Variants in SORCS2 observed in about 807,000 individuals in gnomAD.
The protein encoded by SORCS2 is sortilin related VPS10 domain containing receptor 2.
A neutral mutation model predicts 141.6 loss-of-function variants in SORCS2; 100 were observed. That is an observed-to-expected ratio of 0.71 (90% CI 0.60 to 0.83). The LOEUF (loss-of-function observed/expected upper bound fraction) is 0.83. Ranked by LOEUF, SORCS2 falls within the 40% of genes least tolerant of loss-of-function variation. The pLI, the probability that SORCS2 is intolerant of heterozygous loss-of-function variation, is 0.00. For missense variants in SORCS2, 1,646 were observed against 1,560.2 expected, an observed-to-expected ratio of 1.05 and a Z score of -0.93; for synonymous variants, 789 against 676.9, an observed-to-expected ratio of 1.17 and a Z score of -2.57.
intron 2 of SORCS2, among the ~76,000 whole-genome samples, chr4:7,520,092 C>T (rs1733229688): frequency 2.0e-5 from 3 of 152,306 alleles, no homozygotes; most frequent in South Asian, 2.1e-4. Flanking sequence ...TGTAGGGTGG[C>T]GCTGTTGGCT....
intron 2 of SORCS2, among the ~76,000 whole-genome samples, chr4:7,403,959 G>T (rs1724753090): frequency 7.7e-5 from 1 of 13,026 alleles, no homozygotes; most frequent in Admixed American, 1.0e-3. Context: ...GCCTCCATGT[G>T]TGTATATATA....
At chr4:7,549,504 C>T (rs1185363920) in intron 3 of SORCS2, among the ~76,000 whole-genome samples, 2 of 152,150 alleles carry the variant, frequency 1.3e-5, no homozygotes, top group Admixed American at 6.5e-5. Flanking sequence ...TGATAATCCA[C>T]CAGTCACTGG....
chr4:7,737,196 C>T, intron 26 of SORCS2, 24 bp downstream of exon 26: 1 of 1,550,570 alleles, frequency 6.4e-7, no homozygotes, highest in Non-Finnish European at 8.7e-7. Flanking sequence ...AGATGATGAT[C>T]TCGACTCGCA....
chr4:7,224,142 T>G (rs970504418), intron 1 of SORCS2, among the ~76,000 whole-genome samples: 7 of 152,154 alleles, frequency 4.6e-5, no homozygotes, highest in Non-Finnish European at 1.0e-4. Flanking sequence ...CAGATCCAGA[T>G]CCATCTGCTG....
chr4:7,735,154 C>G (rs1003145844), intron 25 of SORCS2, among the ~76,000 whole-genome samples: 5 of 152,342 alleles, frequency 3.3e-5, no homozygotes, highest in African/African-American at 1.2e-4. Context: ...AAACGCAGCT[C>G]CCAGATTTGG....
At chr4:7,517,513 C>A (rs1560349448) in intron 2 of SORCS2, among the ~76,000 whole-genome samples, 1 of 152,138 alleles carries the variant, frequency 6.6e-6, no homozygotes. Flanking sequence ...TCAGCAGAAA[C>A]CGAATACAGT....
At chr4:7,595,188 T>C (rs1275339578) in intron 3 of SORCS2, among the ~76,000 whole-genome samples, 1 of 152,090 alleles carries the variant, frequency 6.6e-6, no homozygotes, top group Non-Finnish European at 1.5e-5. Context: ...TTCCTTGCTA[T>C]TACCGGTTTA....
intron 21 of SORCS2, among the ~76,000 whole-genome samples, chr4:7,727,383 G>A (rs573943387): frequency 2.6e-4 from 40 of 152,058 alleles, no homozygotes; most frequent in South Asian, 4.2e-4. Context: ...TTAGTCCCTC[G>A]TGGGAGATAT....
At chr4:7,726,750 AG>A (rs778187132) in intron 20 of SORCS2, 29 bp from the exon 21 acceptor site, 2 of 1,607,646 alleles carry the variant, frequency 1.2e-6, no homozygotes, top group Non-Finnish European at 1.7e-6. Flanking sequence ...TCACTCGGCC[AG>A]GCCCCTAAGC....
chr4:7,447,778 C>CTACGACCCAGGATGGAACGGAGCCTG, intron 2 of SORCS2, among the ~76,000 whole-genome samples: 1 of 152,110 alleles, frequency 6.6e-6, no homozygotes, highest in South Asian at 2.1e-4. Flanking sequence ...ATGAAACAAA[C>CTACGACCCAGGATGGAACGGAGCCTG]TACGACCCAG....
chr4:7,445,174 C>A (rs1336649342), intron 2 of SORCS2, among the ~76,000 whole-genome samples: 1 of 152,214 alleles, frequency 6.6e-6, no homozygotes, highest in Non-Finnish European at 1.5e-5. Context: ...TCAGGGCCAA[C>A]CTGGTGAGGG....
intron 5 of SORCS2, among the ~76,000 whole-genome samples, chr4:7,657,064 T>TA (rs745531446): frequency 2.6e-5 from 4 of 152,204 alleles, no homozygotes; most frequent in Non-Finnish European, 5.9e-5. Context: ...TTGTTAGAAA[T>TA]ACGGTCTAAC....
intron 1 of SORCS2, among the ~76,000 whole-genome samples, chr4:7,386,086 TATGCACAC>T (rs1240728491): frequency 1.3e-5 from 2 of 151,952 alleles, no homozygotes; most frequent in African/African-American, 2.4e-5. Flanking sequence ...CACATACACA[TATGCACAC>T]ATGCACACAC....
intron 4 of SORCS2, among the ~76,000 whole-genome samples, chr4:7,643,830 G>T (rs1464110421): frequency 6.6e-6 from 1 of 152,178 alleles, no homozygotes; most frequent in African/African-American, 2.4e-5. Context: ...GTGAATATCA[G>T]CAGGTTCATG....
At chr4:7,486,478 G>A (rs1042221995) in intron 2 of SORCS2, among the ~76,000 whole-genome samples, 3 of 152,204 alleles carry the variant, frequency 2.0e-5, no homozygotes, top group African/African-American at 7.2e-5. Flanking sequence ...GTCCCATTCA[G>A]GGACCCTGAT....
intron 2 of SORCS2, chr4:7,431,585 G>A (rs1482355406): frequency 1.3e-5 from 2 of 152,238 alleles, no homozygotes; most frequent in African/African-American, 2.4e-5. Context: ...CAGGGGAAGA[G>A]GCAGATACTG....
rs924018390 is a variant in SORCS2 at position 7,661,529 on chromosome 4, A to C, written c.917A>C (p.Asp306Ala). ...WSVSGVDADP[D>A]LVHVEAQDLG... ...GTGTCTGGGGTGGACGCTGACCCTG[A>C]CTTGGTCCACGTGGAAGCCCAAGAC... The change falls in exon 6 of 27, where the codon GAC becomes GCC. Residue 306 changes from aspartate (D) to alanine (A), a missense_variant. Asp to Ala is a moderately radical substitution (Grantham distance 126, BLOSUM62 -2). Transcript: ENST00000507866. The C allele has an allele frequency of 2.6e-6, 4 of 1,551,582 alleles. No homozygotes were observed. Among genetic ancestry groups the C allele is most frequent in the Non-Finnish European group, 3.5e-6 (4 of 1,147,044 alleles).
chr4:7,233,976 C>T lies in SORCS2; in HGVS notation c.480+40850C>T, dbSNP rs964154958. On this transcript the variant is annotated intron_variant, in intron 1 of 26. Transcript: ENST00000507866. The surrounding 1 kb of genome is among the most constrained non-coding windows in gnomAD (Gnocchi z 4.5). ...AAGATGGAAAGGGGGTGGGGGAGGA[C>T]CGTATCCCCGAGCCTCTCCAGGGAG... 3.9e-5 allele frequency among the ~76,000 whole-genome samples: 6 copies of T among 152,116 alleles called. No individual in the cohort carries two copies. Among genetic ancestry groups the T allele is most frequent in the Non-Finnish European group, 8.8e-5 (6 of 68,016 alleles).
intron 2 of SORCS2, among the ~76,000 whole-genome samples, chr4:7,483,182 G>A (rs1038205283): frequency 1.1e-4 from 17 of 152,190 alleles, no homozygotes; most frequent in African/African-American, 4.1e-4. Flanking sequence ...AATTAGCCAG[G>A]CTTGGTGGCG....
Sources: gnomAD v4.1 joint callset for allele counts (sites outside exome capture counted in the v4.1 genomes callset) on GRCh38, gnomAD v4.1.1 for gene constraint, Gnocchi (gnomAD v3.1) non-coding constraint, MANE v1.5 for transcripts, NCBI Gene and HGNC (gene_info 2026-07-23, HGNC 2026-07-21) for gene names.